Variants in TRPM3 observed in about 807,000 individuals in gnomAD.
TRPM3 encodes the protein long transient receptor potential channel 3.
Under a neutral mutation model 181.2 loss-of-function variants are expected in TRPM3, and 77 were observed. That is an observed-to-expected ratio of 0.42 (90% CI 0.35 to 0.51). The LOEUF (loss-of-function observed/expected upper bound fraction) is 0.51, where lower values mean the gene tolerates loss of function less well. TRPM3 is among the 20% of genes least tolerant of loss of function. The probability of loss-of-function intolerance (pLI) is 0.01; values close to 1 mark genes in which losing one functional copy is unlikely to be tolerated. For synonymous variants in TRPM3, 745 were observed against 796.4 expected, an observed-to-expected ratio of 0.94 and a Z score of 1.09; for missense variants, 1,759 against 2,196.7, an observed-to-expected ratio of 0.80 and a Z score of 3.98.
intron 1 of TRPM3, among the ~76,000 whole-genome samples, chr9:70,943,751 T>C (rs1453474473): frequency 6.6e-6 from 1 of 152,172 alleles, no homozygotes; most frequent in Non-Finnish European, 1.5e-5. Flanking sequence ...TTTTAATATT[T>C]ATTAGTCATT....
At chr9:70,900,455 A>G (rs1448635398) in intron 1 of TRPM3, among the ~76,000 whole-genome samples, 1 of 152,236 alleles carries the variant, frequency 6.6e-6, no homozygotes, top group Non-Finnish European at 1.5e-5. Flanking sequence ...ACAAGGAATA[A>G]CAGAAGAAAA....
chr9:71,300,083 A>G (rs1009205324), intron 1 of TRPM3, among the ~76,000 whole-genome samples: 2 of 152,180 alleles, frequency 1.3e-5, no homozygotes, highest in Admixed American at 6.6e-5. Flanking sequence ...GGAGCTGTAA[A>G]GAACCAAGAT....
intron 1 of TRPM3, among the ~76,000 whole-genome samples, chr9:71,172,336 A>C (rs2076908109): frequency 6.6e-6 from 1 of 152,204 alleles, no homozygotes; most frequent in African/African-American, 2.4e-5. Flanking sequence ...CAAACAAAAC[A>C]AACAGAATAA....
At chr9:70,883,188 A>C (rs909741733) in intron 1 of TRPM3, among the ~76,000 whole-genome samples, 1 of 152,142 alleles carries the variant, frequency 6.6e-6, no homozygotes, top group Non-Finnish European at 1.5e-5. Context: ...ACCCATCCCC[A>C]TGGTCATAGC....
At chr9:70,785,765 G>A (rs1197979331) in intron 6 of TRPM3, among the ~76,000 whole-genome samples, 3 of 152,104 alleles carry the variant, frequency 2.0e-5, no homozygotes, top group Non-Finnish European at 4.4e-5. Context: ...CCTTTAACTT[G>A]ATGTTTTTCC....
chr9:71,079,141 G>C (rs968649317), intron 1 of TRPM3, among the ~76,000 whole-genome samples: 6 of 152,150 alleles, frequency 3.9e-5, no homozygotes, highest in Admixed American at 6.5e-5. Context: ...TGTTCTGTTT[G>C]CACAATCCAA....
chr9:71,337,772 G>A (rs777055603), intron 1 of TRPM3, among the ~76,000 whole-genome samples: 38 of 152,244 alleles, frequency 2.5e-4, no homozygotes, highest in Admixed American at 3.3e-4. Context: ...ATGAGTTCAT[G>A]TCCTTTGCAG....
intron 20 of TRPM3, among the ~76,000 whole-genome samples, chr9:70,600,297 A>G (rs2059660583): frequency 6.6e-6 from 1 of 151,940 alleles, no homozygotes; most frequent in Admixed American, 6.5e-5. Context: ...CCCACCTCAG[A>G]ACCTCTCAAA....
At chr9:70,537,663 C>G (rs145995408) in intron 25 of TRPM3, among the ~76,000 whole-genome samples, 181 of 152,280 alleles carry the variant, frequency 1.2e-3, no homozygotes, top group African/African-American at 4.3e-3. Context: ...AGCTATCAAT[C>G]CCCTTTTCCC....
chr9:70,865,010 C>A (rs1416213742), intron 1 of TRPM3, among the ~76,000 whole-genome samples: 1 of 117,378 alleles, frequency 8.5e-6, no homozygotes, highest in Non-Finnish European at 1.6e-5. Flanking sequence ...TATCACTATG[C>A]TTTTTTCTAA....
At chr9:71,194,404 C>A (rs2078217812) in intron 1 of TRPM3, among the ~76,000 whole-genome samples, 1 of 151,894 alleles carries the variant, frequency 6.6e-6, no homozygotes, top group Non-Finnish European at 1.5e-5. Context: ...AGGTGTGGCC[C>A]TGTTGCTGAA....
intron 1 of TRPM3, among the ~76,000 whole-genome samples, chr9:71,008,569 G>A (rs141463452): frequency 6.6e-6 from 1 of 152,148 alleles, no homozygotes; most frequent in African/African-American, 2.4e-5. Flanking sequence ...ATGGCCAGGC[G>A]TGGTGGCTCA....
At chr9:71,153,958 T>G (rs924151316) in intron 1 of TRPM3, among the ~76,000 whole-genome samples, 2 of 152,162 alleles carry the variant, frequency 1.3e-5, no homozygotes, top group Non-Finnish European at 2.9e-5. Flanking sequence ...ACTTGAGGTG[T>G]ATGTAGCCAT....
At chr9:70,562,831 C>T (rs1402114089) in intron 22 of TRPM3, among the ~76,000 whole-genome samples, 1 of 152,056 alleles carries the variant, frequency 6.6e-6, no homozygotes, top group East Asian at 1.9e-4. Flanking sequence ...CAAATCTTGC[C>T]TTGGAAGAAT....
chr9:70,760,666 C>CTT lies in TRPM3; in HGVS notation c.1272+933_1272+934dup, dbSNP rs60439100. ...GGGTCTTGCCCACTCTAATCAATTC[C>CTT]TTTTTTTTTTTTTTCTAAACATTTT... On this transcript the variant is annotated intron_variant, in intron 8 of 25. Transcript: ENST00000677713. The CTT allele has an allele frequency of 1.2e-3, 165 of 142,674 alleles. 1 individual carries two copies. The highest frequency in any genetic ancestry group is 3.4e-3 in the African/African-American group (131 of 38,554). The allele number at this position is 142,674 out of a possible 1,614,324, so 8.8% of individuals were successfully genotyped here. A position where few individuals can be genotyped will look rare whatever the true frequency, so the allele number is the denominator to read the frequency against.
intron 8 of TRPM3, among the ~76,000 whole-genome samples, chr9:70,683,136 G>A (rs2065878980): frequency 6.6e-6 from 1 of 152,174 alleles, no homozygotes; most frequent in African/African-American, 2.4e-5. Context: ...CTTGACTCTT[G>A]TACCTGTTTA....
chr9:70,819,522 T>G (rs1418108696), intron 6 of TRPM3, among the ~76,000 whole-genome samples: 1 of 152,106 alleles, frequency 6.6e-6, no homozygotes, highest in Non-Finnish European at 1.5e-5. Flanking sequence ...GAGACCACAC[T>G]CAAATGTCAG....
chr9:71,289,551 A>G (rs1438088856), intron 1 of TRPM3, among the ~76,000 whole-genome samples: 2 of 152,118 alleles, frequency 1.3e-5, no homozygotes, highest in East Asian at 1.9e-4. Flanking sequence ...CATAGTTAAC[A>G]ATAATATATT....
rs1436715824 is a variant in TRPM3 at position 71,032,097 on chromosome 9, A to ATT, written c.177+89080_177+89081insAA. Among the ~76,000 whole-genome samples the ATT allele has an allele frequency of 2.3e-5, 2 of 85,792 alleles. 1 individual carries two copies. The highest frequency in any genetic ancestry group is 5.2e-4 in the East Asian group (2 of 3,842). The allele number at this position is 85,792 out of a possible 152,430, so 56.3% of individuals were successfully genotyped here. A position where few individuals can be genotyped will look rare whatever the true frequency, so the allele number is the denominator to read the frequency against. On this transcript the variant is annotated intron_variant, in intron 1 of 25. Coordinates refer to ENST00000677713, the MANE Select transcript of TRPM3 (RefSeq NM_001366145.2). Reference sequence around the variant, plus strand: ...TTATATTATATATATATAATTATATAATATTATATATATTATATTATATAT... The same window carrying ATT: ...TTATATTATATATATATAATTATATATTATATTATATATATTATATTATATAT...
Sources: gnomAD v4.1 joint callset for allele counts (sites outside exome capture counted in the v4.1 genomes callset) on GRCh38, gnomAD v4.1.1 for gene constraint, MANE v1.5 for transcripts, NCBI Gene and HGNC (gene_info 2026-07-23, HGNC 2026-07-21) for gene names.